The following TRIQK variants were observed in gnomAD, a reference collection of about 807,000 sequenced individuals.
TRIQK encodes the protein triple QxxK/R motif containing.
Under a neutral mutation model 10.8 loss-of-function variants are expected in TRIQK, and 10 were observed. The observed-to-expected ratio is 0.92, with a 90% CI of 0.57 to 1.57. The LOEUF (loss-of-function observed/expected upper bound fraction) is 1.57. Ranked by LOEUF, TRIQK falls within the 40% of genes most tolerant of loss-of-function variation. TRIQK has a pLI of 0.00. For missense variants in TRIQK, 107 were observed against 97.7 expected, an observed-to-expected ratio of 1.09 and a Z score of -0.40; for synonymous variants, 33 against 33.7, an observed-to-expected ratio of 0.98 and a Z score of 0.07.
intron 3 of TRIQK, among the ~76,000 whole-genome samples, chr8:92,906,133 T>G (rs899923566): frequency 2.0e-5 from 3 of 152,094 alleles, no homozygotes; most frequent in African/African-American, 7.2e-5. Flanking sequence ...TGGCCAAAAT[T>G]TGAGTAGTAT....
upstream of TRIQK, among the ~76,000 whole-genome samples, chr8:92,968,270 ATG>A (rs1483700520): frequency 6.6e-6 from 1 of 152,146 alleles, no homozygotes; most frequent in African/African-American, 2.4e-5. Flanking sequence ...ATACGTTGGC[ATG>A]TGTCTTTATA....
intron 1 of TRIQK, among the ~76,000 whole-genome samples, chr8:92,979,295 T>C (rs932172813): frequency 3.3e-5 from 5 of 152,094 alleles, no homozygotes; most frequent in Admixed American, 2.0e-4. Context: ...TTATAGAAGA[T>C]CTGTAGGATG....
In TRIQK at chr8:92,960,148, A is replaced by T. The variant is rs573844464; in HGVS notation, c.-180-5584T>A. ...AAAGTTTTTTCTCCTATTTATTTTT[A>T]AAATTATTTTTCTTTCAAATACTCT... On this transcript the variant is annotated intron_variant, in intron 1 of 4. Coordinates refer to ENST00000521988, the MANE Select transcript of TRIQK (RefSeq NM_001171797.2). Among the ~76,000 whole-genome samples the T allele has an allele frequency of 2.0e-5, 3 of 151,992 alleles. No homozygotes were observed. In the South Asian group the frequency reaches 6.2e-4, roughly 32 times the overall value.
intron 2 of TRIQK, among the ~76,000 whole-genome samples, chr8:92,940,334 T>TAAAAAAAAAAAA (rs56063230): frequency 1.5e-5 from 2 of 130,372 alleles, no homozygotes; most frequent in Non-Finnish European, 3.3e-5. Flanking sequence ...ATAGATTTAA[T>TAAAAAAAAAAAA]AAAAAAAAAA....
intron 3 of TRIQK, among the ~76,000 whole-genome samples, chr8:92,894,554 G>A (rs1808493072): frequency 6.6e-6 from 1 of 152,022 alleles, no homozygotes; most frequent in Non-Finnish European, 1.5e-5. Context: ...AACCAAAGTA[G>A]CTATTTGACA....
intron 2 of TRIQK, among the ~76,000 whole-genome samples, chr8:92,929,029 G>A (rs1224859615): frequency 2.0e-5 from 3 of 152,218 alleles, no homozygotes; most frequent in South Asian, 4.1e-4. Flanking sequence ...TAGAATATAG[G>A]AACAGCTTGG....
rs918200165 is a variant in TRIQK at position 92,891,997 on chromosome 8, C to T, written c.139G>A (p.Gly47Ser). The stretch of plus-strand genomic sequence containing the variant: ...ATCAAATAGAGGTTTACCTTTATGC[C>T]TATTGCTGTTTTCTTTGCTTCTGCT... Reference protein sequence around the residue: ...LKAEAKKTAIGIKEVGLVLAA... With the variant: ...LKAEAKKTAISIKEVGLVLAA... Residue 47 changes from glycine (G) to serine (S), a missense_variant, in exon 4 of 5, where the codon GGC becomes AGC. Transcript: ENST00000521988. 7 of 1,532,688 alleles carry T rather than the reference C, an allele frequency of 4.6e-6. No homozygotes were observed. In the Admixed American group the frequency reaches 5.9e-5, roughly 13 times the overall value. 94.9% of individuals were successfully genotyped at this position (1,532,688 alleles called of 1,614,324 possible). A position where few individuals can be genotyped will look rare whatever the true frequency, so the allele number is the denominator to read the frequency against.
chr8:93,010,314 A>G (rs961505020), intron 1 of TRIQK, among the ~76,000 whole-genome samples: 12 of 152,182 alleles, frequency 7.9e-5, no homozygotes, highest in Admixed American at 6.5e-5. Context: ...GTATATGCTA[A>G]TTACCATGAC....
chr8:92,907,940 A>G (rs947101602), intron 3 of TRIQK, among the ~76,000 whole-genome samples: 3 of 152,140 alleles, frequency 2.0e-5, no homozygotes, highest in African/African-American at 4.8e-5. Context: ...ACCATTCCTC[A>G]TATTACACTA....
intron 2 of TRIQK, among the ~76,000 whole-genome samples, chr8:92,952,589 A>G (rs1811964850): frequency 6.6e-6 from 1 of 152,058 alleles, no homozygotes; most frequent in Non-Finnish European, 1.5e-5. Context: ...ACACCAAACC[A>G]TAAATCCAAG....
chr8:92,938,741 T>C (rs919612927), intron 2 of TRIQK, among the ~76,000 whole-genome samples: 2 of 152,122 alleles, frequency 1.3e-5, no homozygotes, highest in African/African-American at 2.4e-5. Flanking sequence ...TACTGCAATA[T>C]CTTCAAGCAC....
chr8:92,964,705 A>C (rs1460301467), intron 1 of TRIQK, among the ~76,000 whole-genome samples: 1 of 151,926 alleles, frequency 6.6e-6, no homozygotes, highest in African/African-American at 2.4e-5. Context: ...ACACAAAAAG[A>C]TTAAAAGTGT....
chr8:92,994,401 AATTT>A (rs35366894), intron 1 of TRIQK, among the ~76,000 whole-genome samples: 34,812 of 151,444 alleles, frequency 0.23, 5,106 homozygotes, highest in African/African-American at 0.42. Context: ...CATTTTAAAA[AATTT>A]ATTTGTTTCA....
intron 3 of TRIQK, among the ~76,000 whole-genome samples, chr8:92,896,030 A>G (rs922910239): frequency 6.6e-6 from 1 of 152,140 alleles, no homozygotes; most frequent in Non-Finnish European, 1.5e-5. Context: ...CATCAGGACA[A>G]TGAGAGAAAG....
chr8:92,963,267 C>T (rs914841775), intron 1 of TRIQK, among the ~76,000 whole-genome samples: 3 of 152,088 alleles, frequency 2.0e-5, no homozygotes, highest in Non-Finnish European at 2.9e-5. Context: ...TTTTCCTTAT[C>T]CAATAACAAC....
chr8:93,010,639 G>T (rs560727320), intron 1 of TRIQK, among the ~76,000 whole-genome samples: 2 of 151,194 alleles, frequency 1.3e-5, no homozygotes, highest in Non-Finnish European at 3.0e-5. Context: ...TTCTAGTTTC[G>T]CATCCATTTA....
chr8:92,941,331 CCTCCCA>C (rs1453611114), intron 2 of TRIQK: 1 of 152,150 alleles, frequency 6.6e-6, no homozygotes, highest in East Asian at 1.9e-4. Context: ...CCCACCTTGG[CCTCCCA>C]AAGCTCTGGG....
intron 1 of TRIQK, among the ~76,000 whole-genome samples, chr8:92,971,475 A>C (rs1485981818): frequency 6.6e-6 from 1 of 152,152 alleles, no homozygotes; most frequent in Non-Finnish European, 1.5e-5. Flanking sequence ...ATGTGCAAAA[A>C]TCACAAGCAA....
At chr8:93,009,847 C>T (rs1813314052) in intron 1 of TRIQK, among the ~76,000 whole-genome samples, 1 of 152,016 alleles carries the variant, frequency 6.6e-6, no homozygotes. Flanking sequence ...TATTGTAGCA[C>T]TATTCACTAT....
Sources: gnomAD v4.1 joint callset for allele counts (sites outside exome capture counted in the v4.1 genomes callset) on GRCh38, gnomAD v4.1.1 for gene constraint, MANE v1.5 for transcripts, NCBI Gene and HGNC (gene_info 2026-07-23, HGNC 2026-07-21) for gene names.